The following SLC48A1 variants were observed in gnomAD, a reference collection of about 807,000 sequenced individuals.
SLC48A1 encodes solute carrier family 48 member 1.
Under a neutral mutation model 14.8 loss-of-function variants are expected in SLC48A1, and 6 were observed. That is an observed-to-expected ratio of 0.41 (90% CI 0.22 to 0.80). The LOEUF (loss-of-function observed/expected upper bound fraction) is 0.80, where lower values mean the gene tolerates loss of function less well. SLC48A1 is among the 30% of genes least tolerant of loss of function. The pLI, the probability that SLC48A1 is intolerant of heterozygous loss-of-function variation, is 0.34. For missense variants in SLC48A1, 165 were observed against 204.8 expected, an observed-to-expected ratio of 0.81 and a Z score of 1.19; for synonymous variants, 89 against 90.0, an observed-to-expected ratio of 0.99 and a Z score of 0.06.
At chr12:47,760,272 G>A (rs1447748480) in exon 2 of SLC48A1, 11 of 985,408 alleles carry the variant, frequency 1.1e-5, no homozygotes, top group Non-Finnish European at 1.3e-5. Flanking sequence ...ATGCCTCTCC[G>A]GGGAAGGAGG....
At chr12:47,754,070 G>C (rs1697258014), upstream of SLC48A1, 1 of 152,252 alleles carries the variant, frequency 6.6e-6, no homozygotes, top group Non-Finnish European at 1.5e-5. Context: ...GCTGACCCCA[G>C]AGGTAGGTAT....
chr12:47,756,081 G>A (rs1422816635), upstream of SLC48A1: 2 of 152,148 alleles, frequency 1.3e-5, no homozygotes, highest in African/African-American at 2.4e-5. Context: ...CACCTGGCAC[G>A]GAAAGGCCTT....
intron 2 of SLC48A1, among the ~76,000 whole-genome samples, chr12:47,764,011 G>A (rs1209156983): frequency 2.0e-5 from 3 of 152,204 alleles, no homozygotes; most frequent in South Asian, 2.1e-4. Context: ...AAGAGCAGGC[G>A]AAGACGGGCA....
At chr12:47,756,876 G>A (rs920233700), upstream of SLC48A1, among the ~76,000 whole-genome samples, 14 of 152,026 alleles carry the variant, frequency 9.2e-5, no homozygotes, top group African/African-American at 3.4e-4. Context: ...AGCTGAGGCA[G>A]GAGAATCACT....
At chr12:47,770,850 G>C (rs1480125527), upstream of SLC48A1, 1 of 456,634 alleles carries the variant, frequency 2.2e-6, no homozygotes, top group Non-Finnish European at 4.4e-6. Context: ...AGCCACAAAC[G>C]ACTTACAGTT....
chr12:47,762,628 T>C (rs1350273960), intron 2 of SLC48A1, among the ~76,000 whole-genome samples: 1 of 152,228 alleles, frequency 6.6e-6, no homozygotes, highest in Non-Finnish European at 1.5e-5. Flanking sequence ...ATACATCTTT[T>C]TATCCTCAGA....
intron 1 of SLC48A1, chr12:47,758,981 C>T (rs1017692751): frequency 1.1e-5 from 11 of 999,530 alleles, no homozygotes; most frequent in East Asian, 2.1e-4. Flanking sequence ...CCCTGCCTTA[C>T]GGTAGAGGAA....
chr12:47,766,651 C>T (rs1942521002), upstream of SLC48A1, among the ~76,000 whole-genome samples: 1 of 152,100 alleles, frequency 6.6e-6, no homozygotes, highest in Admixed American at 6.5e-5. Flanking sequence ...TGATCCCCCT[C>T]CCCTCCCCCT....
intron 2 of SLC48A1, among the ~76,000 whole-genome samples, chr12:47,763,936 G>A (rs1432970845): frequency 6.6e-6 from 1 of 152,204 alleles, no homozygotes; most frequent in Non-Finnish European, 1.5e-5. Flanking sequence ...TGAGGAAACA[G>A]TCGCTGAACA....
Position 47,758,864 on chromosome 12 carries a change from T to C in SLC48A1, c.-373+204T>C, listed in dbSNP as rs1404019843. ...GAAGGAGCCAGCTGGCACCGGGCGC[T>C]GAAGCAAGGCTGCGCTGGCACCGGT... On this transcript the variant is annotated intron_variant, in intron 1 of 4. Transcript: ENST00000547002. 3.4e-6 allele frequency: 4 copies of C among 1,170,906 alleles called. No homozygotes were observed. In the East Asian group the frequency reaches 1.6e-4, roughly 48 times the overall value. 72.5% of individuals were successfully genotyped at this position (1,170,906 alleles called of 1,614,324 possible). A position where few individuals can be genotyped will look rare whatever the true frequency, so the allele number is the denominator to read the frequency against.
upstream of SLC48A1, among the ~76,000 whole-genome samples, chr12:47,754,416 C>T (rs1266914787): frequency 3.9e-5 from 6 of 152,168 alleles, no homozygotes; most frequent in Non-Finnish European, 8.8e-5. Context: ...TAGGATGGGG[C>T]GGAGAGAGGG....
chr12:47,758,103 C>T (rs371051982), upstream of SLC48A1: 2 of 1,548,734 alleles, frequency 1.3e-6, no homozygotes, highest in African/African-American at 1.4e-5. Flanking sequence ...GGAAAGTGGA[C>T]AGCCATGGGA....
intron 2 of SLC48A1, among the ~76,000 whole-genome samples, chr12:47,763,638 C>G (rs899845796): frequency 6.6e-6 from 1 of 152,202 alleles, no homozygotes; most frequent in Non-Finnish European, 1.5e-5. Context: ...CTTGCCCATT[C>G]CTGGGGTGGG....
At chr12:47,760,275 G>A (rs7138461) in exon 2 of SLC48A1, 1 of 985,348 alleles carries the variant, frequency 1.0e-6, no homozygotes, top group African/African-American at 1.7e-5. Flanking sequence ...CCTCTCCGGG[G>A]AAGGAGGAAA....
intron 2 of SLC48A1, among the ~76,000 whole-genome samples, chr12:47,762,336 C>T (rs968961959): frequency 4.6e-5 from 7 of 152,154 alleles, no homozygotes; most frequent in African/African-American, 1.7e-4. Flanking sequence ...CCTGGGTCTT[C>T]ACAGGAACCT....
In SLC48A1 at chr12:47,773,416, A is replaced by G; in HGVS notation, c.112A>G (p.Thr38Ala). 6.9e-7 allele frequency: 1 copy of G among 1,440,378 alleles called. No individual in the cohort carries two copies. Among genetic ancestry groups the G allele is most frequent in the South Asian group, 1.4e-5 (1 of 72,414 alleles). The allele number at this position is 1,440,378 out of a possible 1,614,324, so 89.2% of individuals were successfully genotyped here. A position where few individuals can be genotyped will look rare whatever the true frequency, so the allele number is the denominator to read the frequency against. The change falls in exon 1 of 3, where the codon ACC (threonine) becomes GCC (alanine). Residue 38 changes from threonine (T) to alanine (A), a missense_variant. Physicochemically the swap from Thr to Ala is moderately conservative, Grantham distance 58. Transcript: ENST00000442218. ...GACGGTGGTCTACCGACAGCCGGGGACCGCGGCCATGGGAGGGCTCGCAGG... is the reference window on the plus strand; with the variant it reads ...GACGGTGGTCTACCGACAGCCGGGGGCCGCGGCCATGGGAGGGCTCGCAGG... The part of the protein sequence containing the change: ...VWTVVYRQPG[T>A]AAMGGLAGVL...
rs541751936 is a variant in SLC48A1, at chr12:47,777,130, G to A, written c.137-1898G>A. 1.3e-5 allele frequency among the ~76,000 whole-genome samples: 2 copies of A among 152,314 alleles called. No individual in the cohort carries two copies. Among genetic ancestry groups the A allele is most frequent in the South Asian group, 2.1e-4 (1 of 4,822 alleles). ...TGGGACACATGTGAGGAGTGGGAGG[G>A]ACTTCTGTGAAAGGTGGCTGGTATA... On this transcript the variant is annotated intron_variant, in intron 1 of 2. Transcript: ENST00000442218. This position sits in a 1 kb window ranked among gnomAD's most constrained non-coding sequence, Gnocchi z 4.5.
intron 2 of SLC48A1, among the ~76,000 whole-genome samples, chr12:47,761,729 T>C (rs571628944): frequency 1.3e-5 from 2 of 152,342 alleles, no homozygotes; most frequent in East Asian, 1.9e-4. Context: ...TGTCATTAAA[T>C]GCTTGGCAGG....
At chr12:47,759,433 C>T (rs1407542926) in intron 1 of SLC48A1, among the ~76,000 whole-genome samples, 7 of 81,164 alleles carry the variant, frequency 8.6e-5, no homozygotes, top group African/African-American at 2.5e-4. Context: ...ACACACACAC[C>T]GGGAGCAGTT....
Sources: allele counts gnomAD v4.1 joint callset (sites outside exome capture counted in the v4.1 genomes callset), GRCh38; gene constraint gnomAD v4.1.1; non-coding constraint Gnocchi (gnomAD v3.1); transcripts MANE v1.5; gene names NCBI Gene and HGNC (gene_info 2026-07-23, HGNC 2026-07-21).